The following MYZAP variants were observed in gnomAD, a reference collection of about 807,000 sequenced individuals.
MYZAP encodes GRINL1A complex locus upstream.
In MYZAP, 66 loss-of-function variants were observed where a neutral mutation model predicts 69.4. The ratio of observed to expected loss-of-function variants is 0.95; its 90% CI spans 0.78 to 1.17. The LOEUF is 1.17. Ranked by LOEUF, MYZAP falls within the 50% of genes most tolerant of loss-of-function variation. MYZAP has a pLI of 0.00. For synonymous variants in MYZAP, 256 were observed against 205.9 expected (o/e 1.24, Z -2.09); for missense variants, 611 against 556.2 (o/e 1.10, Z -0.99).
chr15:57,626,513 TTCTTAC>T (rs1434626642), intron 5 of MYZAP, among the ~76,000 whole-genome samples: 1 of 152,222 alleles, frequency 6.6e-6, no homozygotes, highest in East Asian at 1.9e-4. Context: ...GTGCTTCCCA[TTCTTAC>T]TCTTACAAGT....
chr15:57,678,678 G>A lies in MYZAP; in HGVS notation c.1304+3610G>A, dbSNP rs376387421. ...CTAGACACTGTGTAAAACTCTGGGA[G>A]GCCCAGTGATTGATAAGGTCTCTGT... On this transcript the variant is annotated intron_variant, in intron 12 of 12. Transcript: ENST00000267853. Among the ~76,000 whole-genome samples, 7 of 152,064 alleles carry A rather than the reference G, an allele frequency of 4.6e-5. No homozygotes were observed. In the East Asian group the frequency reaches 1.4e-3, roughly 29 times the overall value.
intron 1 of MYZAP, among the ~76,000 whole-genome samples, chr15:57,594,674 G>A (rs528564926): frequency 2.6e-5 from 4 of 152,072 alleles, no homozygotes; most frequent in Admixed American, 1.3e-4. Context: ...TGATGATTAC[G>A]CAACGACAAA....
chr15:57,642,891 G>A (rs191503920), intron 10 of MYZAP, among the ~76,000 whole-genome samples: 4 of 152,178 alleles, frequency 2.6e-5, no homozygotes, highest in Non-Finnish European at 5.9e-5. Context: ...CTCATGGTGG[G>A]GGTGAGCCCT....
At chr15:57,634,391 T>G (rs1298286424) in intron 8 of MYZAP, among the ~76,000 whole-genome samples, 1 of 151,738 alleles carries the variant, frequency 6.6e-6, no homozygotes, top group Non-Finnish European at 1.5e-5. Flanking sequence ...GACCCAGGAG[T>G]TCAGGGCCAA....
chr15:57,629,375 T>C (rs555612990), intron 5 of MYZAP, among the ~76,000 whole-genome samples: 1 of 152,326 alleles, frequency 6.6e-6, no homozygotes, highest in Non-Finnish European at 1.5e-5. Flanking sequence ...TTTTTTCCCA[T>C]GTGAAATGAT....
chr15:57,647,943 C>T lies in MYZAP; in HGVS notation c.1119+8398C>T, dbSNP rs1035697948. The T allele has an allele frequency of 1.6e-5, 16 of 985,244 alleles. No individual in the cohort carries two copies. In the Admixed American group the frequency reaches 1.8e-4, roughly 11 times the overall value. 61.0% of individuals were successfully genotyped at this position (985,244 alleles called of 1,614,324 possible). On this transcript the variant is annotated intron_variant, in intron 10 of 12. Coordinates refer to ENST00000267853, the MANE Select transcript of MYZAP (RefSeq NM_001018100.5). ...ATGTGCTGAAATCCTGCCCCGCCACCGCTTTCCTCCCTTAACTGGATCCTT... is the reference window on the plus strand; with the variant it reads ...ATGTGCTGAAATCCTGCCCCGCCACTGCTTTCCTCCCTTAACTGGATCCTT...
intron 6 of MYZAP, 51 bp from the exon 7 acceptor site, chr15:57,632,383 A>T: frequency 6.2e-7 from 1 of 1,610,902 alleles, no homozygotes; most frequent in Non-Finnish European, 8.5e-7. Flanking sequence ...GAAGCTGCCA[A>T]TTCCTCTGGG....
chr15:57,639,640 G>A, intron 10 of MYZAP, 95 bp downstream of exon 10: 2 of 1,429,784 alleles, frequency 1.4e-6, no homozygotes, highest in Non-Finnish European at 1.9e-6. Context: ...ATTTCCTGTG[G>A]CTCACAAGCC....
intron 10 of MYZAP, chr15:57,646,285 T>C: frequency 5.5e-6 from 7 of 1,271,838 alleles, no homozygotes; most frequent in Non-Finnish European, 7.1e-6. Flanking sequence ...AGGTGGTATT[T>C]ATCTATGATG....
chr15:57,631,601 C>G (rs1386070183), intron 6 of MYZAP, among the ~76,000 whole-genome samples: 2 of 152,206 alleles, frequency 1.3e-5, no homozygotes, highest in African/African-American at 2.4e-5. Context: ...CAGGGTCTCT[C>G]TCAGCTGGTC....
chr15:57,633,017 A>G (rs1595890541), intron 7 of MYZAP, among the ~76,000 whole-genome samples: 2 of 152,008 alleles, frequency 1.3e-5, no homozygotes, highest in African/African-American at 4.8e-5. Flanking sequence ...TAGGAAGCTC[A>G]CTCACTCTCT....
At chr15:57,673,682 G>A (rs145333429) in intron 11 of MYZAP, among the ~76,000 whole-genome samples, 13 of 152,172 alleles carry the variant, frequency 8.5e-5, no homozygotes, top group Non-Finnish European at 1.8e-4. Context: ...CTTTTACATT[G>A]TACGGAACAT....
intron 2 of MYZAP, among the ~76,000 whole-genome samples, chr15:57,611,074 A>T: frequency 6.6e-6 from 1 of 152,266 alleles, no homozygotes; most frequent in Non-Finnish European, 1.5e-5. Context: ...CCACACCACC[A>T]ATACTAGAAA....
rs1207067554 is a variant in MYZAP at position 57,684,909 on chromosome 15, T to A, written c.*411T>A. ...TGAAGGTTTTGTTTACCCATAAAAGTATTAGAGGCAGCGTTTCTCTGATAC... is the reference window on the plus strand; with the variant it reads ...TGAAGGTTTTGTTTACCCATAAAAGAATTAGAGGCAGCGTTTCTCTGATAC... On this transcript the variant is annotated 3_prime_UTR_variant, in exon 13 of 13. Coordinates refer to ENST00000267853, the MANE Select transcript of MYZAP (RefSeq NM_001018100.5). The A allele has an allele frequency of 6.4e-6, 1 of 156,806 alleles. No homozygotes were observed. The highest frequency in any genetic ancestry group is 1.4e-5 in the Non-Finnish European group (1 of 71,188). 9.7% of individuals were successfully genotyped at this position (156,806 alleles called of 1,614,324 possible).
intron 12 of MYZAP, 82 bp downstream of exon 12, chr15:57,675,150 A>G: frequency 8.2e-7 from 1 of 1,214,966 alleles, no homozygotes; most frequent in Non-Finnish European, 1.2e-6. Flanking sequence ...TGTTCTTAGC[A>G]GAATTGCATT....
rs755053711 is a variant in MYZAP, at chr15:57,675,041, T to C, written c.1277T>C (p.Ile426Thr). ...AAGACCGAAGTGGAAACCAGAGAGA[T>C]AGGAGTGGGCTGTGATCTTCTACCC... is the stretch of plus-strand genomic sequence containing the variant. ...QAKTEVETRE[I>T]GVGCDLLPSQ... Residue 426 changes from isoleucine to threonine, a missense_variant, in exon 12 of 13, where the codon ATA becomes ACA. Ile to Thr is a moderately conservative substitution (Grantham distance 89, BLOSUM62 -1). Coordinates refer to ENST00000267853, the MANE Select transcript of MYZAP (RefSeq NM_001018100.5). 7 of 1,613,344 alleles carry C rather than the reference T, an allele frequency of 4.3e-6. No individual in the cohort carries two copies. In the Admixed American group the frequency reaches 1.2e-4, roughly 27 times the overall value.
intron 10 of MYZAP, among the ~76,000 whole-genome samples, chr15:57,641,189 G>T: frequency 6.6e-6 from 1 of 152,098 alleles, no homozygotes; most frequent in Non-Finnish European, 1.5e-5. Context: ...CCTCATACTG[G>T]TTGGCTTCTG....
intron 2 of MYZAP, among the ~76,000 whole-genome samples, chr15:57,604,889 ATAAG>A (rs1244006433): frequency 1.3e-5 from 2 of 152,182 alleles, no homozygotes; most frequent in Non-Finnish European, 2.9e-5. Flanking sequence ...GGCCGTGAAG[ATAAG>A]TATGTCCTTG....
At chr15:57,679,312 A>T (rs2039303930) in intron 12 of MYZAP, among the ~76,000 whole-genome samples, 1 of 140,564 alleles carries the variant, frequency 7.1e-6, no homozygotes, top group African/African-American at 2.6e-5. Flanking sequence ...GCCTTGGATG[A>T]AGTCATTCCT....
Sources: gnomAD v4.1 joint callset for allele counts (sites outside exome capture counted in the v4.1 genomes callset) on GRCh38, gnomAD v4.1.1 for gene constraint, MANE v1.5 for transcripts, NCBI Gene and HGNC (gene_info 2026-07-23, HGNC 2026-07-21) for gene names.